Variants in ZNF735 observed in about 807,000 individuals in gnomAD.
The protein encoded by ZNF735 is putative zinc finger protein 735.
ZNF735 carries 11 observed loss-of-function variants against 13.4 expected under a neutral mutation model. That is an observed-to-expected ratio of 0.82 (90% CI 0.52 to 1.36). ZNF735 has a LOEUF of 1.36. Among genes scored for constraint, ZNF735 ranks in the 40% most tolerant of loss-of-function variants. The probability of loss-of-function intolerance (pLI) is 0.00; values close to 1 mark genes in which losing one functional copy is unlikely to be tolerated. For synonymous variants in ZNF735, 171 were observed against 162.6 expected, an observed-to-expected ratio of 1.05 and a Z score of -0.39; for missense variants, 500 against 484.6, an observed-to-expected ratio of 1.03 and a Z score of -0.30.
intron 1 of ZNF735, among the ~76,000 whole-genome samples, chr7:64,210,983 C>G (rs1201353947): frequency 6.6e-6 from 1 of 152,126 alleles, no homozygotes; most frequent in African/African-American, 2.4e-5. Flanking sequence ...GAGCATGTTT[C>G]AGATCAAGAG....
chr7:64,214,917 A>G (rs538967699), intron 3 of ZNF735, among the ~76,000 whole-genome samples: 1 of 152,088 alleles, frequency 6.6e-6, no homozygotes, highest in Non-Finnish European at 1.5e-5. Context: ...GGTCATCCTA[A>G]TTGATGTAAG....
chr7:64,219,703 T>G, exon 4 of ZNF735: 1 of 1,591,526 alleles, frequency 6.3e-7, no homozygotes, highest in Non-Finnish European at 8.6e-7. Context: ...ATGTGAAGAA[T>G]GTGGCAAATC....
At position 64,218,093 on chromosome 7, in the gene ZNF735, T is replaced by A. The variant is rs573477393; in HGVS notation, c.263-1221T>A. 5.3e-5 allele frequency among the ~76,000 whole-genome samples: 8 copies of A among 152,256 alleles called. No homozygotes were observed. In the East Asian group the frequency reaches 1.3e-3, roughly 26 times the overall value. On this transcript the variant is annotated intron_variant, in intron 3 of 3. Transcript: ENST00000429565. ...GAAGTGGAAAGACCTCTTTTCAGCA[T>A]TTTATTTAGGGCACATGCAGTGCTT...
rs183105510 is a variant in ZNF735 at position 64,209,143 on chromosome 7, T to G, written c.39+1902T>G. ...GGTTTTTGAAAAAATGCCAAACTGT[T>G]TTTCTCAATGGTTAAACAAATTTAT... On this transcript the variant is annotated intron_variant, in intron 1 of 3. Transcript: ENST00000429565. Among the ~76,000 whole-genome samples the G allele has an allele frequency of 4.9e-3, 751 of 152,294 alleles. 5 individuals are homozygous for G. The highest frequency in any genetic ancestry group is 8.5e-3 in the Non-Finnish European group (576 of 68,014).
exon 4 of ZNF735, chr7:64,219,466 A>G (rs769627531): frequency 1.2e-6 from 2 of 1,613,890 alleles, no homozygotes; most frequent in Admixed American, 1.7e-5. Flanking sequence ...TGAGGTGCAC[A>G]AAGGAGGTTA....
exon 3 of ZNF735, chr7:64,214,036 T>C (rs766764586): frequency 1.3e-6 from 2 of 1,599,448 alleles, no homozygotes; most frequent in South Asian, 1.1e-5. Context: ...TAAGCCAGAC[T>C]TGATCGCCTG....
Position 64,219,966 on chromosome 7 carries a change from C to T in ZNF735, c.915C>T (p.Ala305=), listed in dbSNP as rs770855661. 3.1e-6 allele frequency: 5 copies of T among 1,613,712 alleles called. 1 individual carries two copies. The South Asian group carries it at 5.5e-5, about 18-fold the overall frequency. ...ACAAATGTGAAGAATGTGGCAAAGC[C>T]TTTAGCGTATCCTCAGCCCTCATTT... The change falls in exon 4 of 4, where the codon GCC becomes GCT. Residue 305 remains alanine, a synonymous_variant. Coordinates refer to ENST00000429565, the Ensembl canonical transcript of ZNF735.
intron 2 of ZNF735, among the ~76,000 whole-genome samples, chr7:64,213,672 T>G (rs573951014): frequency 6.6e-6 from 1 of 152,202 alleles, no homozygotes; most frequent in Admixed American, 6.5e-5. Flanking sequence ...TTCAGCAAGA[T>G]TTACATGACC....
intron 3 of ZNF735, among the ~76,000 whole-genome samples, chr7:64,216,146 A>C (rs1224082663): frequency 6.6e-6 from 1 of 151,956 alleles, no homozygotes; most frequent in African/African-American, 2.4e-5. Context: ...AATACAAAAA[A>C]TTAACCAGGT....
At position 64,211,032 on chromosome 7, in the gene ZNF735, A is replaced by T. The variant is rs375146229; in HGVS notation, c.40-2060A>T. Among the ~76,000 whole-genome samples, 121 of 152,300 alleles carry T rather than the reference A, an allele frequency of 7.9e-4. No individual in the cohort carries two copies. In the South Asian group the frequency reaches 0.025, roughly 31 times the overall value. ...GCCTTTTGGAATGCCATCTGTTTGG[A>T]AATTGCAAATTTTTACTTCTGTACT... On this transcript the variant is annotated intron_variant, in intron 1 of 3. Transcript: ENST00000429565.
intron 1 of ZNF735, among the ~76,000 whole-genome samples, chr7:64,207,897 G>C (rs1787308180): frequency 6.6e-6 from 1 of 151,920 alleles, no homozygotes; most frequent in Non-Finnish European, 1.5e-5. Flanking sequence ...TGAGACAGGA[G>C]AATCACCTGA....
chr7:64,211,855 G>T (rs2116480451), intron 1 of ZNF735, among the ~76,000 whole-genome samples: 1 of 141,780 alleles, frequency 7.1e-6, no homozygotes, highest in Admixed American at 7.4e-5. Context: ...GACAGAGCAA[G>T]ACTCCATCTC....
chr7:64,214,129 C>A, intron 3 of ZNF735, 21 bp downstream of exon 3: 1 of 1,596,468 alleles, frequency 6.3e-7, no homozygotes, highest in Non-Finnish European at 8.5e-7. Flanking sequence ...GCAAATGAAG[C>A]AGATGACACG....
At chr7:64,217,978 A>G (rs1253705550) in intron 3 of ZNF735, among the ~76,000 whole-genome samples, 1 of 152,132 alleles carries the variant, frequency 6.6e-6, no homozygotes, top group East Asian at 1.9e-4. Flanking sequence ...TACAATCACA[A>G]TAATGCCACA....
intron 3 of ZNF735, among the ~76,000 whole-genome samples, chr7:64,217,041 T>A (rs1459122738): frequency 6.6e-6 from 1 of 152,230 alleles, no homozygotes; most frequent in African/African-American, 2.4e-5. Context: ...TGTGATATGG[T>A]GTAGGTGCCC....
intron 3 of ZNF735, 66 bp downstream of exon 3, chr7:64,214,174 C>G: frequency 6.6e-7 from 1 of 1,519,598 alleles, no homozygotes; most frequent in Non-Finnish European, 8.9e-7. Context: ...GGTAGCCAGT[C>G]TTTAAAATGT....
At chr7:64,209,380 G>A (rs1341847050) in intron 1 of ZNF735, among the ~76,000 whole-genome samples, 3 of 147,434 alleles carry the variant, frequency 2.0e-5, no homozygotes, top group Admixed American at 6.8e-5. Context: ...ACGGAGCTTC[G>A]CTTTCGCCCA....
At chr7:64,208,252 T>G (rs1313699156) in intron 1 of ZNF735, among the ~76,000 whole-genome samples, 22 of 57,520 alleles carry the variant, frequency 3.8e-4, no homozygotes, top group African/African-American at 1.3e-3. Context: ...ATGTTTTTTT[T>G]TTTTTTTTTT....
At chr7:64,208,250 T>TTTC (rs1482839984) in intron 1 of ZNF735, among the ~76,000 whole-genome samples, 1 of 56,514 alleles carries the variant, frequency 1.8e-5, no homozygotes, top group Non-Finnish European at 3.6e-5. Flanking sequence ...AAATGTTTTT[T>TTTC]TTTTTTTTTT....
Sources: allele counts gnomAD v4.1 joint callset (sites outside exome capture counted in the v4.1 genomes callset), GRCh38; gene constraint gnomAD v4.1.1; transcripts MANE v1.5; gene names NCBI Gene and HGNC (gene_info 2026-07-23, HGNC 2026-07-21).